The following RNF13 variants were observed in gnomAD, a reference collection of about 807,000 sequenced individuals.
RNF13 encodes the protein ring finger protein 13.
A neutral mutation model predicts 37.7 loss-of-function variants in RNF13; 19 were observed. The ratio of observed to expected loss-of-function variants is 0.50; its 90% CI spans 0.35 to 0.74. The LOEUF (loss-of-function observed/expected upper bound fraction) is 0.74, where lower values mean the gene tolerates loss of function less well. RNF13 is among the 30% of genes least tolerant of loss of function. RNF13 has a pLI of 0.01. For synonymous variants in RNF13, 144 were observed against 157.8 expected, an observed-to-expected ratio of 0.91 and a Z score of 0.65; for missense variants, 375 against 453.0, an observed-to-expected ratio of 0.83 and a Z score of 1.56.
chr3:149,851,722 T>C (rs1723136190), intron 2 of RNF13: 1 of 152,230 alleles, frequency 6.6e-6, no homozygotes, highest in Admixed American at 6.5e-5. Flanking sequence ...ACTTGTTTAC[T>C]ATCTATACTT....
chr3:149,888,749 C>T (rs1388892369), intron 4 of RNF13, among the ~76,000 whole-genome samples: 1 of 152,092 alleles, frequency 6.6e-6, no homozygotes, highest in African/African-American at 2.4e-5. Context: ...ACATTTTTAC[C>T]ATTCTTGCAG....
Position 149,961,342 on chromosome 3 carries a change from T to C in RNF13, c.*238T>C. On this transcript the variant is annotated 3_prime_UTR_variant, in exon 10 of 10. Coordinates refer to ENST00000392894, the MANE Select transcript of RNF13 (RefSeq NM_183381.3). ...CATCAATTCAGCTCTTCTTTTGGAA[T>C]GAAAGTATAGCCAAAACATAAAAAA... The C allele has an allele frequency of 1.5e-6, 1 of 649,444 alleles. No individual in the cohort carries two copies. The highest frequency in any genetic ancestry group is 1.5e-5 in the South Asian group (1 of 64,558). The allele number at this position is 649,444 out of a possible 1,614,324, so 40.2% of individuals were successfully genotyped here.
intron 2 of RNF13, among the ~76,000 whole-genome samples, chr3:149,848,677 T>C (rs528260160): frequency 6.6e-6 from 1 of 152,348 alleles, no homozygotes; most frequent in Admixed American, 6.5e-5. Context: ...ATGCTATTTG[T>C]AATGCCAGAT....
chr3:149,945,626 G>T (rs1000618036), intron 8 of RNF13, among the ~76,000 whole-genome samples: 2 of 152,158 alleles, frequency 1.3e-5, no homozygotes, highest in Non-Finnish European at 2.9e-5. Context: ...CTCCTTAAGT[G>T]GGTCCCTGAC....
chr3:149,904,403 C>T (rs1048416864), intron 6 of RNF13, among the ~76,000 whole-genome samples: 2 of 151,918 alleles, frequency 1.3e-5, no homozygotes, highest in African/African-American at 4.8e-5. Flanking sequence ...ATTTTTGAGA[C>T]AGGCTGTTAC....
At chr3:149,906,300 T>C (rs1716390048) in intron 6 of RNF13, among the ~76,000 whole-genome samples, 1 of 152,196 alleles carries the variant, frequency 6.6e-6, no homozygotes, top group Non-Finnish European at 1.5e-5. Flanking sequence ...TTTCACTATT[T>C]GTGTACAAAT....
In RNF13 at chr3:149,960,067, G is replaced by A; in HGVS notation, c.712G>A (p.Asp238Asn). The A allele has an allele frequency of 1.2e-6, 2 of 1,610,570 alleles. No individual in the cohort carries two copies. Among genetic ancestry groups the A allele is most frequent in the African/African-American group, 2.7e-5 (2 of 74,956 alleles). ...TTTTCTGTTTTCAGGAGATGAGTAT[G>A]ATGTATGTGCCATTTGTTTGGATGA... ...VHKFKKGDEY[D>N]VCAICLDEYE... is the part of the protein sequence containing the mutation. Residue 238 changes from aspartate to asparagine, a missense_variant, in exon 9 of 10, where the codon GAT becomes AAT. Physicochemically the swap from Asp to Asn is conservative, Grantham distance 23. Coordinates refer to ENST00000392894, the MANE Select transcript of RNF13 (RefSeq NM_183381.3).
chr3:149,915,428 C>T (rs1388044741), intron 7 of RNF13, among the ~76,000 whole-genome samples: 1 of 152,130 alleles, frequency 6.6e-6, no homozygotes, highest in Non-Finnish European at 1.5e-5. Context: ...TAGAATGGAA[C>T]AACCACTAAA....
At chr3:149,901,470 A>G (rs1160250988) in intron 5 of RNF13, among the ~76,000 whole-genome samples, 3 of 152,170 alleles carry the variant, frequency 2.0e-5, no homozygotes, top group African/African-American at 7.2e-5. Flanking sequence ...GAAGAGTCAA[A>G]TATCTTAAGA....
chr3:149,847,881 A>G (rs759200347), intron 2 of RNF13, among the ~76,000 whole-genome samples: 8 of 152,028 alleles, frequency 5.3e-5, no homozygotes, highest in Non-Finnish European at 1.0e-4. Context: ...TTTATACCCA[A>G]GGTGGATTGC....
intron 6 of RNF13, among the ~76,000 whole-genome samples, chr3:149,904,503 C>G (rs1000550595): frequency 6.6e-6 from 1 of 152,246 alleles, no homozygotes; most frequent in Non-Finnish European, 1.5e-5. Context: ...ACCTTAGCCT[C>G]CCCAGCAGCT....
chr3:149,841,104 A>G (rs959819172), intron 1 of RNF13, among the ~76,000 whole-genome samples: 1 of 152,198 alleles, frequency 6.6e-6, no homozygotes, highest in African/African-American at 2.4e-5. Context: ...GTTAACTTAC[A>G]GTCTTTTCAG....
At chr3:149,916,329 A>G (rs948738068) in intron 7 of RNF13, among the ~76,000 whole-genome samples, 1 of 152,226 alleles carries the variant, frequency 6.6e-6, no homozygotes, top group African/African-American at 2.4e-5. Context: ...TTTGTGGAAT[A>G]AGTTATCTTT....
intron 3 of RNF13, among the ~76,000 whole-genome samples, chr3:149,868,647 C>T (rs1458160835): frequency 6.6e-6 from 1 of 150,708 alleles, no homozygotes; most frequent in Non-Finnish European, 1.5e-5. Flanking sequence ...TTCTTTCTCT[C>T]TCTCTCTTTC....
chr3:149,960,685 T>C lies in RNF13; in HGVS notation c.782-55T>C, dbSNP rs147124668. On this transcript the variant is annotated intron_variant, in intron 9 of 9. Transcript: ENST00000392894. ...TGAATAAATATGGCAAGAGATTAAATATAAAAGTATCAACCGCAGCATACT... is the reference window on the plus strand; with the variant it reads ...TGAATAAATATGGCAAGAGATTAAACATAAAAGTATCAACCGCAGCATACT... 8.4e-4 allele frequency: 1,259 copies of C among 1,505,598 alleles called. 3 individuals carry two copies. The highest frequency in any genetic ancestry group is 1.8e-3 in the Middle Eastern group (10 of 5,624). 93.3% of individuals were successfully genotyped at this position (1,505,598 alleles called of 1,614,324 possible).
At chr3:149,818,864 C>A (rs999268569) in intron 1 of RNF13, among the ~76,000 whole-genome samples, 10 of 151,986 alleles carry the variant, frequency 6.6e-5, no homozygotes, top group African/African-American at 2.2e-4. Flanking sequence ...TGAGCCAAGA[C>A]CGCGGCACTG....
chr3:149,827,380 G>A (rs1337140769), intron 1 of RNF13, among the ~76,000 whole-genome samples: 2 of 152,082 alleles, frequency 1.3e-5, no homozygotes, highest in Non-Finnish European at 1.5e-5. Flanking sequence ...GTCTCTCACA[G>A]ACACCGAGGA....
At chr3:149,918,691 T>C (rs1717799774) in intron 7 of RNF13, among the ~76,000 whole-genome samples, 2 of 145,762 alleles carry the variant, frequency 1.4e-5, no homozygotes, top group South Asian at 4.3e-4. Context: ...GCCCAGCTAA[T>C]TGTTTTTTTT....
chr3:149,921,627 G>T (rs1009425267), intron 8 of RNF13, among the ~76,000 whole-genome samples: 1 of 152,140 alleles, frequency 6.6e-6, no homozygotes, highest in African/African-American at 2.4e-5. Flanking sequence ...CAAAGGACAC[G>T]ACCTCATCTG....
Sources: allele counts gnomAD v4.1 joint callset (sites outside exome capture counted in the v4.1 genomes callset), GRCh38; gene constraint gnomAD v4.1.1; transcripts MANE v1.5; gene names NCBI Gene and HGNC (gene_info 2026-07-23, HGNC 2026-07-21).